Variants in SCUBE1 observed in about 807,000 individuals in gnomAD.
SCUBE1 encodes signal peptide, CUB domain and EGF like domain containing 1.
Under a neutral mutation model 124.4 loss-of-function variants are expected in SCUBE1, and 59 were observed. The ratio of observed to expected loss-of-function variants is 0.47; its 90% CI spans 0.38 to 0.59. The LOEUF (loss-of-function observed/expected upper bound fraction) is 0.59, where lower values mean the gene tolerates loss of function less well. Among genes scored for constraint, SCUBE1 ranks in the 20% least tolerant of loss-of-function variants. The pLI is 0.00. For synonymous variants in SCUBE1, 545 were observed against 550.9 expected (o/e 0.99, Z 0.15); for missense variants, 1,150 against 1,371.2 (o/e 0.84, Z 2.55).
At chr22:43,331,409 T>C (rs1926899034) in intron 2 of SCUBE1, among the ~76,000 whole-genome samples, 1 of 152,190 alleles carries the variant, frequency 6.6e-6, no homozygotes. Flanking sequence ...TTATAGCATT[T>C]TGGAAAAGGC....
chr22:43,268,279 G>T (rs1243761450), intron 4 of SCUBE1, among the ~76,000 whole-genome samples: 1 of 152,230 alleles, frequency 6.6e-6, no homozygotes, highest in Non-Finnish European at 1.5e-5. Flanking sequence ...GTCTGCTCTT[G>T]GGAGCCATAG....
At chr22:43,293,536 G>A (rs5751474) in intron 3 of SCUBE1, among the ~76,000 whole-genome samples, 110,371 of 152,212 alleles carry the variant, frequency 0.73, 41,072 homozygotes, top group East Asian at 1. Context: ...ACTTGAGCAC[G>A]TGCACGTCAG....
At position 43,211,025 on chromosome 22, in the gene SCUBE1, G is replaced by T; in HGVS notation, c.2280C>A (p.Pro760=). Residue 760 remains proline (P), a synonymous_variant, in exon 18 of 22, where the codon CCC becomes CCA. Coordinates refer to ENST00000360835, the MANE Select transcript of SCUBE1 (RefSeq NM_173050.5). This position sits in a 1 kb window ranked among gnomAD's most constrained non-coding sequence, Gnocchi z 4.5. ...NTTTHRCIRC[P]VGTYQPEFGQ... is the part of the protein sequence containing the mutation. ...CAAACTCGGGCTGGTAGGTGCCGAC[G>T]GGGCAGCGGATGCAGCGGTGGGTGG... is the stretch of plus-strand genomic sequence containing the variant. The T allele has an allele frequency of 1.9e-6, 3 of 1,614,042 alleles. No homozygotes were observed. The highest frequency in any genetic ancestry group is 2.5e-6 in the Non-Finnish European group (3 of 1,179,996).
In SCUBE1 at chr22:43,211,595, C is replaced by T. The variant is rs1267321659; in HGVS notation, c.2222-512G>A. 6.6e-6 allele frequency among the ~76,000 whole-genome samples: 1 copy of T among 151,506 alleles called. No individual in the cohort carries two copies. Among genetic ancestry groups the T allele is most frequent in the Admixed American group, 6.6e-5 (1 of 15,202 alleles). On this transcript the variant is annotated intron_variant, in intron 17 of 21. Coordinates refer to ENST00000360835, the MANE Select transcript of SCUBE1 (RefSeq NM_173050.5). This position sits in a 1 kb window ranked among gnomAD's most constrained non-coding sequence, Gnocchi z 4.5. ...GCAATGGTGCCATCTCGGCTCACTG[C>T]AACCTCCACCTCCTGGGTTCAAGCG...
At position 43,199,335 on chromosome 22, in the gene SCUBE1, G is replaced by A. The variant is rs1203091786; in HGVS notation, c.*4662C>T. On this transcript the variant is annotated 3_prime_UTR_variant, in exon 22 of 22. Coordinates refer to ENST00000360835, the MANE Select transcript of SCUBE1 (RefSeq NM_173050.5). Reference sequence around the variant, plus strand: ...CTGCCGTGGACAAGCCCAGGGGACAGGCTTCACTGAGACGCTGCCTGCGGA... The same window carrying A: ...CTGCCGTGGACAAGCCCAGGGGACAAGCTTCACTGAGACGCTGCCTGCGGA... 6.5e-6 allele frequency: 1 copy of A among 154,598 alleles called. No individual in the cohort carries two copies. Among genetic ancestry groups the A allele is most frequent in the East Asian group, 1.9e-4 (1 of 5,274 alleles). 9.6% of individuals were successfully genotyped at this position (154,598 alleles called of 1,614,324 possible).
chr22:43,225,760 T>C (rs2146672926), intron 10 of SCUBE1, among the ~76,000 whole-genome samples: 1 of 152,210 alleles, frequency 6.6e-6, no homozygotes, highest in South Asian at 2.1e-4. Context: ...ACTCAGTTTC[T>C]TGCCCTTTGG....
intron 3 of SCUBE1, 131 bp downstream of exon 3, chr22:43,319,806 A>T: frequency 8.9e-7 from 1 of 1,129,770 alleles, no homozygotes; most frequent in Non-Finnish European, 1.2e-6. Flanking sequence ...GTATTTTGTT[A>T]TGACAACCCT....
chr22:43,227,230 C>T (rs1353720380), intron 10 of SCUBE1, 144 bp downstream of exon 10: 2 of 977,346 alleles, frequency 2.0e-6, no homozygotes, highest in Non-Finnish European at 3.0e-6. Flanking sequence ...CATACCCCAA[C>T]AGCAGAGAAC....
intron 6 of SCUBE1, among the ~76,000 whole-genome samples, chr22:43,243,104 C>T (rs933030379): frequency 5.3e-5 from 8 of 152,266 alleles, no homozygotes; most frequent in Admixed American, 1.3e-4. Context: ...ACCGCACACG[C>T]CACACACCCT....
At chr22:43,314,717 G>A (rs769391460) in intron 3 of SCUBE1, among the ~76,000 whole-genome samples, 55 of 152,126 alleles carry the variant, frequency 3.6e-4, no homozygotes, top group African/African-American at 1.3e-3. Context: ...GCTGAGGCTC[G>A]TCATGGTGTG....
chr22:43,316,175 A>C (rs893346868), intron 3 of SCUBE1, among the ~76,000 whole-genome samples: 3 of 152,212 alleles, frequency 2.0e-5, no homozygotes, highest in African/African-American at 7.2e-5. Context: ...TTTAATCCTC[A>C]CAAGAGCCCT....
At chr22:43,207,991 C>T (rs1921365394) in intron 20 of SCUBE1, 81 bp downstream of exon 20, 23 of 1,498,714 alleles carry the variant, frequency 1.5e-5, no homozygotes, top group Middle Eastern at 1.7e-4. Context: ...TCCCTGAGGG[C>T]GGGGACGTGC....
chr22:43,308,663 C>G (rs550252704), intron 3 of SCUBE1, among the ~76,000 whole-genome samples: 2 of 152,220 alleles, frequency 1.3e-5, no homozygotes, highest in African/African-American at 2.4e-5. Context: ...AGAGCTGGAG[C>G]GCGGCGCCTG....
chr22:43,290,630 C>T (rs1925322215), intron 4 of SCUBE1, among the ~76,000 whole-genome samples: 1 of 152,244 alleles, frequency 6.6e-6, no homozygotes, highest in Admixed American at 6.5e-5. Context: ...AATGAACATG[C>T]AGCAGGGAGT....
chr22:43,288,004 G>A (rs371153224), intron 4 of SCUBE1, among the ~76,000 whole-genome samples: 66 of 152,310 alleles, frequency 4.3e-4, no homozygotes, highest in African/African-American at 1.4e-3. Context: ...CCACACAGCC[G>A]TGGAAACCCA....
intron 3 of SCUBE1, among the ~76,000 whole-genome samples, chr22:43,311,980 G>T (rs1464459813): frequency 6.6e-6 from 1 of 152,178 alleles, no homozygotes; most frequent in East Asian, 1.9e-4. Context: ...GCCAAAGCTT[G>T]CATATTTGCG....
At position 43,218,256 on chromosome 22, in the gene SCUBE1, G is replaced by T; in HGVS notation, c.1890C>A (p.Cys630Ter). ...GAGTGGCCATGGGCAAGGACTCACC[G>T]CATTTGCTGTCCTGTAGCACCTGGC... is the stretch of plus-strand genomic sequence containing the variant. ...GAGQVLQDSK[C>*]VACGPGTHFG... Residue 630 changes from cysteine to a stop codon, truncating the protein, a stop_gained and splice_region_variant, in exon 15 of 22, where the codon TGC (cysteine) becomes TGA (stop). Coordinates refer to ENST00000360835, the MANE Select transcript of SCUBE1 (RefSeq NM_173050.5). LOFTEE classifies it high-confidence loss of function. The T allele has an allele frequency of 2.5e-6, 4 of 1,612,736 alleles. No individual in the cohort carries two copies. Among genetic ancestry groups the T allele is most frequent in the Non-Finnish European group, 3.4e-6 (4 of 1,179,872 alleles).
intron 2 of SCUBE1, among the ~76,000 whole-genome samples, chr22:43,329,030 T>C (rs956711632): frequency 1.3e-5 from 2 of 152,226 alleles, no homozygotes; most frequent in African/African-American, 4.8e-5. Flanking sequence ...GAAGACGGCA[T>C]CTCTGTGAAC....
chr22:43,333,865 T>C (rs1410173794), intron 2 of SCUBE1, among the ~76,000 whole-genome samples: 2 of 152,112 alleles, frequency 1.3e-5, no homozygotes, highest in African/African-American at 4.8e-5. Flanking sequence ...TCTGGTAGGG[T>C]TCTTGAGAGG....
Sources: allele counts gnomAD v4.1 joint callset (sites outside exome capture counted in the v4.1 genomes callset), GRCh38; gene constraint gnomAD v4.1.1; non-coding constraint Gnocchi (gnomAD v3.1); transcripts MANE v1.5; gene names NCBI Gene and HGNC (gene_info 2026-07-23, HGNC 2026-07-21).